The following MAP4K4 variants were observed in gnomAD, a reference collection of about 807,000 sequenced individuals.
MAP4K4 encodes the protein HPK/GCK-like kinase HGK.
Under a neutral mutation model 189.6 loss-of-function variants are expected in MAP4K4, and 38 were observed. That is an observed-to-expected ratio of 0.20 (90% CI 0.15 to 0.26). The LOEUF is 0.26. Ranked by LOEUF, MAP4K4 falls within the 10% of genes least tolerant of loss-of-function variation. MAP4K4 has a pLI of 1.00. For missense variants in MAP4K4, 1,054 were observed against 1,726.9 expected (o/e 0.61, Z 6.91); for synonymous variants, 610 against 624.3 (o/e 0.98, Z 0.34).
At chr2:101,741,625 T>C (rs2062872426) in intron 2 of MAP4K4, among the ~76,000 whole-genome samples, 1 of 151,978 alleles carries the variant, frequency 6.6e-6, no homozygotes, top group Admixed American at 6.6e-5. Flanking sequence ...ATGTGGTAAA[T>C]ATTGATATAA....
At chr2:101,861,035 C>A in intron 16 of MAP4K4, 49 bp downstream of exon 16, 1 of 1,514,202 alleles carries the variant, frequency 6.6e-7, no homozygotes, top group Non-Finnish European at 8.9e-7. Flanking sequence ...TGCAACGGCT[C>A]GCTGAGCCGC....
At chr2:101,831,509 C>T (rs2096594746) in intron 6 of MAP4K4, among the ~76,000 whole-genome samples, 1 of 151,284 alleles carries the variant, frequency 6.6e-6, no homozygotes, top group African/African-American at 2.4e-5. Context: ...ACAGAAGCTT[C>T]CAGACTGGTA....
intron 2 of MAP4K4, among the ~76,000 whole-genome samples, chr2:101,766,021 T>C (rs556335781): frequency 6.6e-6 from 1 of 152,310 alleles, no homozygotes; most frequent in East Asian, 1.9e-4. Context: ...TTCGGAGACA[T>C]GGGTGGATGG....
At chr2:101,836,413 C>T (rs1009990700) in intron 9 of MAP4K4, among the ~76,000 whole-genome samples, 4 of 152,124 alleles carry the variant, frequency 2.6e-5, no homozygotes, top group East Asian at 3.9e-4. Flanking sequence ...GGAGAAACCC[C>T]GTCTCTACTA....
chr2:101,713,668 G>A (rs1208869012), intron 2 of MAP4K4, among the ~76,000 whole-genome samples: 2 of 151,354 alleles, frequency 1.3e-5, no homozygotes, highest in Non-Finnish European at 2.9e-5. Flanking sequence ...GCTGGGGCAG[G>A]TGGATTGCTT....
chr2:101,886,965 C>T, intron 29 of MAP4K4, 123 bp from the exon 30 acceptor site: 3 of 637,494 alleles, frequency 4.7e-6, no homozygotes, highest in Non-Finnish European at 7.6e-6. Flanking sequence ...GCGGAGCTTG[C>T]AGTGAGCCGA....
rs752142679 is a variant in MAP4K4 at position 101,834,390 on chromosome 2, T to C, written c.640-19T>C. 5.7e-6 allele frequency: 9 copies of C among 1,587,842 alleles called. No homozygotes were observed. The African/African-American group carries it at 1.2e-4, about 21-fold the overall frequency. On this transcript the variant is annotated intron_variant, in intron 7 of 32. Coordinates refer to ENST00000324219, the Ensembl canonical transcript of MAP4K4. ...TGTATCTACTCCAGTATCTGTAACGTACTGTTTTATTTTTGCAGAGTGATC... is the reference window on the plus strand; with the variant it reads ...TGTATCTACTCCAGTATCTGTAACGCACTGTTTTATTTTTGCAGAGTGATC...
intron 27 of MAP4K4, among the ~76,000 whole-genome samples, chr2:101,880,132 TTG>T (rs2150182486): frequency 6.6e-6 from 1 of 152,332 alleles, no homozygotes; most frequent in Admixed American, 6.5e-5. Context: ...TTCTGCCAGT[TTG>T]TGGCTTGTTT....
chr2:101,833,469 A>C (rs2149448195), intron 7 of MAP4K4, among the ~76,000 whole-genome samples: 2 of 151,764 alleles, frequency 1.3e-5, no homozygotes, highest in Admixed American at 1.3e-4. Flanking sequence ...AAATACAAAA[A>C]ATTAGCCGGG....
chr2:101,764,191 G>T (rs2077619479), intron 2 of MAP4K4, among the ~76,000 whole-genome samples: 1 of 151,796 alleles, frequency 6.6e-6, no homozygotes, highest in Non-Finnish European at 1.5e-5. Context: ...TATGCGTAAG[G>T]GTCTAGCTTC....
At chr2:101,824,270 A>G (rs886584124) in intron 4 of MAP4K4, among the ~76,000 whole-genome samples, 12 of 152,190 alleles carry the variant, frequency 7.9e-5, no homozygotes, top group African/African-American at 2.7e-4. Flanking sequence ...CGTGGAAAAA[A>G]GTTAACTTTG....
At chr2:101,713,360 T>TGGGG (rs2046664593) in intron 2 of MAP4K4, among the ~76,000 whole-genome samples, 1 of 151,986 alleles carries the variant, frequency 6.6e-6, no homozygotes, top group African/African-American at 2.4e-5. Flanking sequence ...TTTGGGAGGC[T>TGGGG]TAGGTGGGCG....
In MAP4K4 at chr2:101,875,713, T is replaced by G. The variant is rs1004779301; in HGVS notation, c.3242-1290T>G. 2.6e-5 allele frequency among the ~76,000 whole-genome samples: 4 copies of G among 152,110 alleles called. 1 individual carries two copies. Among genetic ancestry groups the G allele is most frequent in the African/African-American group, 9.7e-5 (4 of 41,406 alleles). ...TGCCCAATTCCCTAGGAATGTAGGG[T>G]CATCTGTGCTACATGTTACAAAGGT... On this transcript the variant is annotated intron_variant, in intron 26 of 32. Transcript: ENST00000324219.
chr2:101,874,158 G>C, exon 26 of MAP4K4: 1 of 1,613,928 alleles, frequency 6.2e-7, no homozygotes. Context: ...TGGTCAATGT[G>C]AATCCTACCA....
intron 20 of MAP4K4, 110 bp from the exon 21 acceptor site, chr2:101,867,919 C>A: frequency 9.5e-7 from 1 of 1,049,706 alleles, no homozygotes. Context: ...CCTGCTTGAA[C>A]TGATTTCTGT....
At chr2:101,846,117 C>T (rs143502883) in intron 12 of MAP4K4, among the ~76,000 whole-genome samples, 2 of 152,314 alleles carry the variant, frequency 1.3e-5, no homozygotes, top group South Asian at 2.1e-4. Flanking sequence ...GAAAACAGGA[C>T]GTACGTTCCC....
chr2:101,703,166 G>C (rs1205241871), intron 2 of MAP4K4, among the ~76,000 whole-genome samples: 3 of 152,178 alleles, frequency 2.0e-5, no homozygotes, highest in African/African-American at 7.2e-5. Context: ...GCCTTGGGCA[G>C]TGGTCCAGTG....
chr2:101,871,696 C>T lies in MAP4K4; in HGVS notation c.2952+11C>T. The T allele has an allele frequency of 1.3e-6, 2 of 1,534,560 alleles. No individual in the cohort carries two copies. The highest frequency in any genetic ancestry group is 1.7e-6 in the Non-Finnish European group (2 of 1,145,516). On this transcript the variant is annotated intron_variant, in intron 24 of 32. Transcript: ENST00000324219. ...CTCACTGCTAATGAGGTATGTCTCG[C>T]ACCACAGCTGGCTGCTTTCCTGGGG... is the stretch of plus-strand genomic sequence containing the variant.
At chr2:101,733,261 G>A (rs1370513285) in intron 2 of MAP4K4, among the ~76,000 whole-genome samples, 2 of 152,220 alleles carry the variant, frequency 1.3e-5, no homozygotes. Context: ...GGGGGATGCA[G>A]GGATGATGAG....
Sources: gnomAD v4.1 joint callset for allele counts (sites outside exome capture counted in the v4.1 genomes callset) on GRCh38, gnomAD v4.1.1 for gene constraint, MANE v1.5 for transcripts, NCBI Gene and HGNC (gene_info 2026-07-23, HGNC 2026-07-21) for gene names.